The following TENM4 variants were observed in gnomAD, a reference collection of about 807,000 sequenced individuals.
TENM4 encodes the protein teneurin-4.
Under a neutral mutation model 243.3 loss-of-function variants are expected in TENM4, and 82 were observed. The ratio of observed to expected loss-of-function variants is 0.34; its 90% CI spans 0.28 to 0.40. The LOEUF (loss-of-function observed/expected upper bound fraction) is 0.40. Ranked by LOEUF, TENM4 falls within the 10% of genes least tolerant of loss-of-function variation. The pLI is 1.00. For missense variants in TENM4, 3,138 were observed against 3,673.3 expected (o/e 0.85, Z 3.77); for synonymous variants, 1,412 against 1,456.3 (o/e 0.97, Z 0.69).
intron 1 of TENM4, among the ~76,000 whole-genome samples, chr11:79,429,252 G>C (rs762084700): frequency 6.6e-6 from 1 of 152,120 alleles, no homozygotes; most frequent in Non-Finnish European, 1.5e-5. Context: ...AAGAAAGCTA[G>C]GGGTCCTCTC....
At chr11:78,729,752 C>A in intron 21 of TENM4, 109 bp from the exon 22 acceptor site, 2 of 1,387,574 alleles carry the variant, frequency 1.4e-6, no homozygotes, top group Admixed American at 2.3e-5. Context: ...GAGGGAAAGG[C>A]AGAAGGAGAG....
intron 6 of TENM4, among the ~76,000 whole-genome samples, chr11:78,920,734 T>A (rs1025137349): frequency 6.6e-6 from 1 of 152,186 alleles, no homozygotes; most frequent in African/African-American, 2.4e-5. Flanking sequence ...TGTGTGTATA[T>A]ATATATAAAA....
At chr11:78,863,909 T>C (rs1398640550) in intron 9 of TENM4, among the ~76,000 whole-genome samples, 1 of 152,232 alleles carries the variant, frequency 6.6e-6, no homozygotes, top group Non-Finnish European at 1.5e-5. Context: ...TCAGTATAAT[T>C]TGTTATAGCA....
chr11:79,061,778 G>C (rs1860094879), intron 6 of TENM4, among the ~76,000 whole-genome samples: 1 of 152,132 alleles, frequency 6.6e-6, no homozygotes, highest in Non-Finnish European at 1.5e-5. Flanking sequence ...ATGTAGGCTT[G>C]AGTTCCAATC....
intron 10 of TENM4, 116 bp from the exon 11 acceptor site, chr11:78,856,294 T>G: frequency 1.1e-6 from 1 of 911,444 alleles, no homozygotes; most frequent in Non-Finnish European, 1.6e-6. Flanking sequence ...TTCTCTATAA[T>G]GTTCTGCTGT....
At chr11:79,304,104 G>A (rs1856590617) in intron 1 of TENM4, among the ~76,000 whole-genome samples, 1 of 152,202 alleles carries the variant, frequency 6.6e-6, no homozygotes. Flanking sequence ...GGAGGGCTGA[G>A]GCTTCCACTG....
intron 2 of TENM4, among the ~76,000 whole-genome samples, chr11:79,290,583 C>T (rs1856339475): frequency 6.6e-6 from 1 of 151,722 alleles, no homozygotes; most frequent in Admixed American, 6.6e-5. Context: ...TCCCTTTGTA[C>T]CACTGCAGTA....
intron 6 of TENM4, among the ~76,000 whole-genome samples, chr11:78,951,999 C>T (rs1002438807): frequency 1.3e-5 from 2 of 152,136 alleles, no homozygotes; most frequent in African/African-American, 4.8e-5. Context: ...TCTGTAGCCC[C>T]ACACACCCTG....
chr11:79,273,030 T>A (rs1476415243), intron 2 of TENM4, among the ~76,000 whole-genome samples: 1 of 152,182 alleles, frequency 6.6e-6, no homozygotes, highest in Non-Finnish European at 1.5e-5. Flanking sequence ...CCTCTCTCTT[T>A]ACACTTACCC....
At chr11:79,033,444 C>T (rs1224717091) in intron 6 of TENM4, among the ~76,000 whole-genome samples, 2 of 152,198 alleles carry the variant, frequency 1.3e-5, no homozygotes, top group African/African-American at 4.8e-5. Context: ...GCACAAGGCA[C>T]TTACACTCAC....
intron 1 of TENM4, among the ~76,000 whole-genome samples, chr11:79,376,247 G>A (rs876194): frequency 0.53 from 80,855 of 152,080 alleles, 22,095 homozygotes; most frequent in African/African-American, 0.65. Context: ...GTGGATGGAG[G>A]GATATGAGGC....
intron 6 of TENM4, among the ~76,000 whole-genome samples, chr11:79,030,981 G>C (rs575055337): frequency 3.6e-4 from 55 of 152,320 alleles, no homozygotes; most frequent in African/African-American, 1.3e-3. Flanking sequence ...GAGAAGGACA[G>C]AGAAAGGAGA....
intron 15 of TENM4, among the ~76,000 whole-genome samples, chr11:78,802,499 A>G (rs886209531): frequency 6.6e-6 from 1 of 152,248 alleles, no homozygotes; most frequent in African/African-American, 2.4e-5. Flanking sequence ...ATTCTCCTTC[A>G]AACCAGCTTC....
At chr11:79,347,724 G>C (rs1439058492) in intron 1 of TENM4, among the ~76,000 whole-genome samples, 2 of 140,742 alleles carry the variant, frequency 1.4e-5, no homozygotes, top group African/African-American at 5.3e-5. Flanking sequence ...CTGGAGTAAT[G>C]TAGTATAAAT....
chr11:78,899,619 C>A lies in TENM4; in HGVS notation c.749+3649G>T, dbSNP rs921741187. 4.7e-5 allele frequency among the ~76,000 whole-genome samples: 7 copies of A among 148,490 alleles called. No homozygotes were observed. In the East Asian group the frequency reaches 1.4e-3, roughly 31 times the overall value. The stretch of plus-strand genomic sequence containing the variant: ...TTGATACCCAATGTTAGAGGTGGGG[C>A]CTAATGGGAGGCGTTTCGGTCACGA... On this transcript the variant is annotated intron_variant, in intron 7 of 33. Transcript: ENST00000278550.
At chr11:78,931,727 T>C (rs1856673825) in intron 6 of TENM4, among the ~76,000 whole-genome samples, 1 of 152,200 alleles carries the variant, frequency 6.6e-6, no homozygotes, top group South Asian at 2.1e-4. Context: ...GTACTAGTGG[T>C]TCTGAAATCA....
intron 6 of TENM4, among the ~76,000 whole-genome samples, chr11:78,954,392 A>C (rs1316706525): frequency 1.3e-5 from 2 of 152,236 alleles, no homozygotes; most frequent in Non-Finnish European, 1.5e-5. Context: ...AAGGGATGTG[A>C]TTTCAGGTGA....
intron 1 of TENM4, among the ~76,000 whole-genome samples, chr11:79,397,702 G>A (rs955375003): frequency 6.6e-6 from 1 of 152,168 alleles, no homozygotes; most frequent in Non-Finnish European, 1.5e-5. Flanking sequence ...CAGGTCTGGG[G>A]GATCACAGTA....
chr11:79,103,739 C>G (rs184780977), intron 4 of TENM4, among the ~76,000 whole-genome samples: 222 of 152,262 alleles, frequency 1.5e-3, no homozygotes, highest in African/African-American at 5.0e-3. Context: ...GTGAGGCAAA[C>G]TGTGAGCTGG....
Sources: allele counts gnomAD v4.1 joint callset (sites outside exome capture counted in the v4.1 genomes callset), GRCh38; gene constraint gnomAD v4.1.1; transcripts MANE v1.5; gene names NCBI Gene and HGNC (gene_info 2026-07-23, HGNC 2026-07-21).